Variants in PLEKHA5 observed in about 807,000 individuals in gnomAD.
PLEKHA5 encodes the protein pleckstrin homology domain containing A5.
PLEKHA5 carries 55 observed loss-of-function variants against 181.9 expected under a neutral mutation model. The ratio of observed to expected loss-of-function variants is 0.30; its 90% CI spans 0.24 to 0.38. PLEKHA5 has a LOEUF of 0.38. PLEKHA5 is among the 10% of genes least tolerant of loss of function. The pLI is 1.00. For synonymous variants in PLEKHA5, 535 were observed against 529.4 expected (o/e 1.01, Z -0.15); for missense variants, 1,432 against 1,549.5 (o/e 0.92, Z 1.27).
At chr12:19,263,872 C>T (rs2069384838) in intron 7 of PLEKHA5, among the ~76,000 whole-genome samples, 1 of 152,070 alleles carries the variant, frequency 6.6e-6, no homozygotes, top group African/African-American at 2.4e-5. Flanking sequence ...CTCGGCTGAC[C>T]CCATAGAGAG....
intron 3 of PLEKHA5, among the ~76,000 whole-genome samples, chr12:19,136,737 G>C (rs922056269): frequency 6.6e-6 from 1 of 152,074 alleles, no homozygotes; most frequent in African/African-American, 2.4e-5. Flanking sequence ...AAAATAGTAT[G>C]CAAATTTTTT....
At chr12:19,290,289 G>T (rs956767540) in intron 13 of PLEKHA5, among the ~76,000 whole-genome samples, 1 of 152,178 alleles carries the variant, frequency 6.6e-6, no homozygotes, top group African/African-American at 2.4e-5. Flanking sequence ...GCAGGTATTT[G>T]TACTATTGCT....
Position 19,257,419 on chromosome 12 carries a change from C to T in PLEKHA5, c.433-14C>T, listed in dbSNP as rs774935852. The T allele has an allele frequency of 1.5e-6, 2 of 1,345,272 alleles. No individual in the cohort carries two copies. The highest frequency in any genetic ancestry group is 1.3e-5 in the South Asian group (1 of 79,762). 83.3% of individuals were successfully genotyped at this position (1,345,272 alleles called of 1,614,324 possible). A position where few individuals can be genotyped will look rare whatever the true frequency, so the allele number is the denominator to read the frequency against. Reference sequence around the variant, plus strand: ...TTAATACCACATTTTCTGTCATGCTCTTTTTCTATTTAGACTTCACGAGCT... The same window carrying T: ...TTAATACCACATTTTCTGTCATGCTTTTTTTCTATTTAGACTTCACGAGCT... On this transcript the variant is annotated splice_polypyrimidine_tract_variant and intron_variant, in intron 5 of 31. Coordinates refer to ENST00000429027, the MANE Select transcript of PLEKHA5 (RefSeq NM_001256470.2).
At chr12:19,320,645 T>C (rs760908638) in intron 18 of PLEKHA5, 21 bp downstream of exon 18, 1 of 1,151,572 alleles carries the variant, frequency 8.7e-7, no homozygotes, top group Non-Finnish European at 1.3e-6. Flanking sequence ...GTATGATATA[T>C]GTGGTCAGTA....
intron 25 of PLEKHA5, among the ~76,000 whole-genome samples, chr12:19,349,672 C>G (rs2094497531): frequency 1.3e-5 from 2 of 150,004 alleles, no homozygotes; most frequent in Admixed American, 6.7e-5. Flanking sequence ...TTCAGGAGGC[C>G]GAGGTGGGCG....
In PLEKHA5 at chr12:19,347,058, C is replaced by T. The variant is rs747956234; in HGVS notation, c.2774C>T (p.Pro925Leu). ...TCCTATGACTTTACAGAGCAGCCTC[C>T]CATAATCCCCCCTCTGCCCAGTGAT... ...PRSYDFTEQP[P>L]IIPPLPSDSS... The change falls in exon 24 of 32, where the codon CCC (proline) becomes CTC (leucine). Residue 925 changes from proline (P) to leucine (L), a missense_variant. By Grantham distance (98) the Pro-to-Leu change is moderately conservative. This residue lies in a region of PLEKHA5 where 1,143 missense variants were observed against 1,168.4 expected (regional missense o/e 0.98). Coordinates refer to ENST00000429027, the MANE Select transcript of PLEKHA5 (RefSeq NM_001256470.2). 1 of 1,551,480 alleles carries T rather than the reference C, an allele frequency of 6.4e-7. No homozygotes were observed. Among genetic ancestry groups the T allele is most frequent in the African/African-American group, 1.4e-5 (1 of 73,038 alleles).
At chr12:19,277,328 A>G (rs2074859642) in intron 11 of PLEKHA5, among the ~76,000 whole-genome samples, 1 of 152,324 alleles carries the variant, frequency 6.6e-6, no homozygotes, top group African/African-American at 2.4e-5. Flanking sequence ...AAAAGTGTAT[A>G]GAGAGAGTCA....
At chr12:19,238,774 G>A (rs1307101216) in intron 3 of PLEKHA5, among the ~76,000 whole-genome samples, 1 of 84,264 alleles carries the variant, frequency 1.2e-5, no homozygotes, top group Non-Finnish European at 2.3e-5. Context: ...ACTTTTTTTT[G>A]TATGAACAGG....
intron 7 of PLEKHA5, among the ~76,000 whole-genome samples, 200 bp from the exon 8 acceptor site, chr12:19,265,550 T>C (rs2070063864): frequency 6.6e-6 from 1 of 152,222 alleles, no homozygotes; most frequent in South Asian, 2.1e-4. Flanking sequence ...AAAGGGGCTT[T>C]GTAGAATGCA....
chr12:19,151,222 A>C (rs1285222256), intron 3 of PLEKHA5: 4 of 152,214 alleles, frequency 2.6e-5, no homozygotes, highest in Non-Finnish European at 5.9e-5. Flanking sequence ...TAATGCTTTG[A>C]AAAGAGGTTG....
At chr12:19,365,321 G>C (rs1025225966) in intron 29 of PLEKHA5, among the ~76,000 whole-genome samples, 1 of 150,178 alleles carries the variant, frequency 6.7e-6, no homozygotes, top group Non-Finnish European at 1.5e-5. Flanking sequence ...AGCCTAGATC[G>C]CGCCACTGCA....
intron 3 of PLEKHA5, among the ~76,000 whole-genome samples, chr12:19,184,371 A>T (rs1246344186): frequency 6.6e-6 from 1 of 152,152 alleles, no homozygotes; most frequent in Non-Finnish European, 1.5e-5. Context: ...CCCCTTTCTC[A>T]TTAAACATTT....
At chr12:19,200,587 A>C in intron 3 of PLEKHA5, 1 of 1,201,140 alleles carries the variant, frequency 8.3e-7, no homozygotes, top group Non-Finnish European at 1.0e-6. Context: ...TTGGAGAAGA[A>C]AGTAGAAACT....
intron 28 of PLEKHA5, among the ~76,000 whole-genome samples, chr12:19,360,761 A>ATTT (rs1267541505): frequency 3.0e-5 from 2 of 65,610 alleles, no homozygotes; most frequent in Non-Finnish European, 1.4e-4. Context: ...AATATGCACC[A>ATTT]TCTCTTTTTT....
intron 3 of PLEKHA5, among the ~76,000 whole-genome samples, chr12:19,203,902 T>C (rs2054777662): frequency 6.6e-6 from 1 of 152,118 alleles, no homozygotes; most frequent in African/African-American, 2.4e-5. Context: ...TTAGGAATCA[T>C]AGAGCTTTCT....
At chr12:19,215,287 CAA>C (rs2057741918) in intron 3 of PLEKHA5, among the ~76,000 whole-genome samples, 1 of 151,884 alleles carries the variant, frequency 6.6e-6, no homozygotes, top group Non-Finnish European at 1.5e-5. Flanking sequence ...GCCAGCTAGC[CAA>C]AAGTTTTTTT....
intron 3 of PLEKHA5, among the ~76,000 whole-genome samples, chr12:19,183,676 A>C (rs10770445): frequency 5.3e-5 from 8 of 152,200 alleles, no homozygotes; most frequent in African/African-American, 1.7e-4. Flanking sequence ...CAGCAGCTGG[A>C]TTGCTTGATA....
chr12:19,338,958 A>G (rs918826814), intron 21 of PLEKHA5, among the ~76,000 whole-genome samples: 2 of 152,046 alleles, frequency 1.3e-5, no homozygotes, highest in African/African-American at 4.8e-5. Context: ...ATAAATACCT[A>G]AGATATTACT....
chr12:19,296,344 C>T (rs1297500418), intron 15 of PLEKHA5, among the ~76,000 whole-genome samples: 3 of 151,904 alleles, frequency 2.0e-5, no homozygotes, highest in East Asian at 1.9e-4. Flanking sequence ...GTCAGGATTC[C>T]GAGACCAGCC....
Sources: gnomAD v4.1 joint callset for allele counts (sites outside exome capture counted in the v4.1 genomes callset) on GRCh38, gnomAD v4.1.1 for gene constraint, gnomAD v4.1.1 regional missense constraint, MANE v1.5 for transcripts, NCBI Gene and HGNC (gene_info 2026-07-23, HGNC 2026-07-21) for gene names.